Variants in RFX5 observed in about 807,000 individuals in gnomAD.
The protein encoded by RFX5 is regulatory factor X5.
A neutral mutation model predicts 41.2 loss-of-function variants in RFX5; 30 were observed. The ratio of observed to expected loss-of-function variants is 0.73; its 90% CI spans 0.54 to 0.99. The LOEUF (loss-of-function observed/expected upper bound fraction) is 0.99, where lower values mean the gene tolerates loss of function less well. Ranked by LOEUF, RFX5 falls within the 50% of genes least tolerant of loss-of-function variation. The pLI, the probability that RFX5 is intolerant of heterozygous loss-of-function variation, is 0.00. For missense variants in RFX5, 715 were observed against 773.6 expected, an observed-to-expected ratio of 0.92 and a Z score of 0.90; for synonymous variants, 231 against 291.8, an observed-to-expected ratio of 0.79 and a Z score of 2.12.
At chr1:151,343,272 AC>A in intron 10 of RFX5, 69 bp downstream of exon 10, 1 of 1,607,382 alleles carries the variant, frequency 6.2e-7, no homozygotes, top group East Asian at 2.2e-5. Context: ...AAAGCAAGGG[AC>A]CCAATTGGAG....
rs1011365640 is a variant in RFX5, at chr1:151,343,524, G to A, written c.758-82C>T. The stretch of plus-strand genomic sequence containing the variant: ...GGGAGTGAGGCAATTCTGATTGACT[G>A]ACTGGTAGAGACAGGAAATGGGGTG... On this transcript the variant is annotated intron_variant, in intron 9 of 10. Coordinates refer to ENST00000452671, the MANE Select transcript of RFX5 (RefSeq NM_001025603.2). 4.2e-6 allele frequency: 6 copies of A among 1,441,504 alleles called. No individual in the cohort carries two copies. The African/African-American group carries it at 7.0e-5, about 17-fold the overall frequency. 89.3% of individuals were successfully genotyped at this position (1,441,504 alleles called of 1,614,324 possible).
At position 151,342,394 on chromosome 1, in the gene RFX5, G is replaced by A. The variant is rs780332246; in HGVS notation, c.1643C>T (p.Ser548Phe). The A allele has an allele frequency of 6.2e-6, 10 of 1,614,152 alleles. No individual in the cohort carries two copies. Among genetic ancestry groups the A allele is most frequent in the Non-Finnish European group, 8.5e-6 (10 of 1,180,040 alleles). The change falls in exon 11 of 11, where the codon TCC (serine) becomes TTC (phenylalanine). Residue 548 changes from serine (S) to phenylalanine (F), a missense_variant. Transcript: ENST00000452671. ...TVSKGGRGPG[S>F]QHTKEAEDKI... ...ATCTTCTGCTTCTTTGGTATGCTGG[G>A]AACCGGGGCCCCTTCCTCCTTTGGA...
chr1:151,345,798 C>A, intron 4 of RFX5, 130 bp downstream of exon 4: 5 of 1,359,876 alleles, frequency 3.7e-6, no homozygotes, highest in Non-Finnish European at 5.3e-6. Flanking sequence ...GTTTGCAAAG[C>A]CAACTATCTT....
rs201420133 is a variant in RFX5, at chr1:151,343,007, T to C, written c.1030A>G (p.Ile344Val). The C allele has an allele frequency of 3.1e-6, 5 of 1,613,760 alleles. No individual in the cohort carries two copies. The highest frequency in any genetic ancestry group is 4.2e-6 in the Non-Finnish European group (5 of 1,179,830). Residue 344 changes from isoleucine (I) to valine (V), a missense_variant, in exon 11 of 11, where the codon ATC (isoleucine) becomes GTC (valine). Ile to Val is a conservative substitution (Grantham distance 29). Coordinates refer to ENST00000452671, the MANE Select transcript of RFX5 (RefSeq NM_001025603.2). The stretch of plus-strand genomic sequence containing the variant: ...GCCAGAATAGGTGGAGAGACTGGGA[T>C]TGGCGGAATTAGTGAGCGAGGGGCC... ...PRAPRSLIPP[I>V]PVSPPILAPR...
In RFX5 at chr1:151,346,293, T is replaced by C. The variant is rs769129938; in HGVS notation, c.28A>G (p.Ser10Gly). The change falls in exon 3 of 11, where the codon AGC (serine) becomes GGC (glycine). Residue 10 changes from serine to glycine, a missense_variant. By Grantham distance (56) the Ser-to-Gly change is moderately conservative (BLOSUM62 0). Transcript: ENST00000452671. Reference sequence around the variant, plus strand: ...GGGGCCCTTCCCCCAGTCTTGGGGCTCTTAGCATCAGGCTCATCTTCTGCC... The same window carrying C: ...GGGGCCCTTCCCCCAGTCTTGGGGCCCTTAGCATCAGGCTCATCTTCTGCC... MAEDEPDAK[S>G]PKTGGRAPPG... 2 of 1,614,014 alleles carry C rather than the reference T, an allele frequency of 1.2e-6. No individual in the cohort carries two copies. Among genetic ancestry groups the C allele is most frequent in the Non-Finnish European group, 1.7e-6 (2 of 1,179,940 alleles).
intron 4 of RFX5, among the ~76,000 whole-genome samples, 191 bp downstream of exon 4, chr1:151,345,737 G>T (rs1391860694): frequency 6.6e-6 from 1 of 152,100 alleles, no homozygotes; most frequent in Non-Finnish European, 1.5e-5. Flanking sequence ...GGGCTTCTAT[G>T]CAAGTGCTCA....
chr1:151,345,555 T>G, intron 4 of RFX5: 1 of 342,810 alleles, frequency 2.9e-6, no homozygotes, highest in Non-Finnish European at 5.5e-6. Context: ...GAGCTTGCAG[T>G]GAGCCGAGAT....
chr1:151,342,962 C>T lies in RFX5; in HGVS notation c.1075G>A (p.Ala359Thr), dbSNP rs1650614087. Residue 359 changes from alanine to threonine, a missense_variant, in exon 11 of 11, where the codon GCC (alanine) becomes ACC (threonine). Physicochemically the swap from Ala to Thr is moderately conservative, Grantham distance 58. Transcript: ENST00000452671. ...PILAPRLSSG[A>T]LKVATLPLSS... Reference sequence around the variant, plus strand: ...AGAGGCAGTGTAGCCACTTTCAGGGCACCTGAAGAAAGCCTGGGGGCCAGA... The same window carrying T: ...AGAGGCAGTGTAGCCACTTTCAGGGTACCTGAAGAAAGCCTGGGGGCCAGA... 1.9e-6 allele frequency: 3 copies of T among 1,614,062 alleles called. No individual in the cohort carries two copies. Among genetic ancestry groups the T allele is most frequent in the Non-Finnish European group, 2.5e-6 (3 of 1,179,990 alleles).
chr1:151,344,580 G>C (rs1336216611), intron 6 of RFX5, 44 bp from the exon 7 acceptor site: 1 of 1,613,896 alleles, frequency 6.2e-7, no homozygotes, highest in East Asian at 2.2e-5. Context: ...CAGAGAAGGA[G>C]GCCATGGGTA....
rs773270287 is a variant in RFX5, at chr1:151,342,008, C to G, written c.*178G>C. 1 of 824,028 alleles carries G rather than the reference C, an allele frequency of 1.2e-6. No homozygotes were observed. Among genetic ancestry groups the G allele is most frequent in the African/African-American group, 1.7e-5 (1 of 59,092 alleles). 51.0% of individuals were successfully genotyped at this position (824,028 alleles called of 1,614,324 possible). ...TTACACTAAAGCCCAGGGTATCAAG[C>G]TGAAAAGGTCAGAGGCAGCAACCAG... is the stretch of plus-strand genomic sequence containing the variant. On this transcript the variant is annotated 3_prime_UTR_variant, in exon 11 of 11. Coordinates refer to ENST00000452671, the MANE Select transcript of RFX5 (RefSeq NM_001025603.2).
intron 1 of RFX5, 161 bp from the exon 2 acceptor site, chr1:151,346,767 C>G (rs888837339): frequency 5.0e-6 from 1 of 200,186 alleles, no homozygotes. Context: ...TTGCATATGC[C>G]TGGGAGGTCA....
Position 151,343,004 on chromosome 1 carries a change from G to C in RFX5, c.1033C>G (p.Pro345Ala), listed in dbSNP as rs1386497621. 4 of 1,613,908 alleles carry C rather than the reference G, an allele frequency of 2.5e-6. No individual in the cohort carries two copies. Among genetic ancestry groups the C allele is most frequent in the South Asian group, 1.1e-5 (1 of 91,080 alleles). The change falls in exon 11 of 11, where the codon CCA becomes GCA. Residue 345 changes from proline (P) to alanine (A), a missense_variant. By Grantham distance (27) the Pro-to-Ala change is conservative (BLOSUM62 -1). Coordinates refer to ENST00000452671, the MANE Select transcript of RFX5 (RefSeq NM_001025603.2). ...RAPRSLIPPIPVSPPILAPRL... is the reference protein window; with the variant it reads ...RAPRSLIPPIAVSPPILAPRL... ...GGGGCCAGAATAGGTGGAGAGACTGGGATTGGCGGAATTAGTGAGCGAGGG... is the reference window on the plus strand; with the variant it reads ...GGGGCCAGAATAGGTGGAGAGACTGCGATTGGCGGAATTAGTGAGCGAGGG...
rs771641554 is a variant in RFX5 at position 151,346,205 on chromosome 1, G to A, written c.116C>T (p.Ser39Phe). 4 of 1,613,996 alleles carry A rather than the reference G, an allele frequency of 2.5e-6. No homozygotes were observed. The highest frequency in any genetic ancestry group is 1.7e-5 in the Admixed American group (1 of 60,022). The change falls in exon 3 of 11, where the codon TCC (serine) becomes TTC (phenylalanine). Residue 39 changes from serine to phenylalanine, a missense_variant and splice_region_variant. By Grantham distance (155) the Ser-to-Phe change is radical. Coordinates refer to ENST00000452671, the MANE Select transcript of RFX5 (RefSeq NM_001025603.2). ...ACTTGGAGATGTGATGAGTACTTAC[G>A]AAATGGTACCTCGGAGCCTCTGAAG... Reference protein sequence around the residue: ...TLLQRLRGTISKAVQNKVEGI... With the variant: ...TLLQRLRGTIFKAVQNKVEGI...
Position 151,345,103 on chromosome 1 carries a change from T to G in RFX5, c.233+3A>C, listed in dbSNP as rs756183687. ...TGCCATCTAAAACTACTATCAAACC[T>G]ACCTTTTGTCTCCAGTGGTGGGTCC... On this transcript the variant is annotated splice_donor_region_variant and intron_variant, in intron 5 of 10. Coordinates refer to ENST00000452671, the MANE Select transcript of RFX5 (RefSeq NM_001025603.2). 6.2e-7 allele frequency: 1 copy of G among 1,613,338 alleles called. No individual in the cohort carries two copies. Among genetic ancestry groups the G allele is most frequent in the Admixed American group, 1.7e-5 (1 of 60,006 alleles).
Position 151,344,535 on chromosome 1 carries a change from TC to T in RFX5, c.354del (p.Lys119SerfsTer46). 1 of 1,614,162 alleles carries T rather than the reference TC, an allele frequency of 6.2e-7. No homozygotes were observed. Among genetic ancestry groups the T allele is most frequent in the African/African-American group, 1.3e-5 (1 of 75,012 alleles). On this transcript the variant is annotated frameshift_variant and splice_region_variant, in exon 7 of 11. Coordinates refer to ENST00000452671, the MANE Select transcript of RFX5 (RefSeq NM_001025603.2). LOFTEE classifies it high-confidence loss of function. ...CAACAGGCAAGACTCTCACAGTACT[TC>T]CTGAGTGAGAGGGGAGCAGAGTGGG... The part of the protein sequence containing the change: ...LPKQSVYDAY[R>X]KYCESLACCR...
chr1:151,343,172 TAGG>T lies in RFX5; in HGVS notation c.862_864del (p.Pro288del). 1 of 1,611,214 alleles carries T rather than the reference TAGG, an allele frequency of 6.2e-7. No individual in the cohort carries two copies. Among genetic ancestry groups the T allele is most frequent in the South Asian group, 1.1e-5 (1 of 91,000 alleles). On this transcript the variant is annotated inframe_deletion, in exon 11 of 11. Coordinates refer to ENST00000452671, the MANE Select transcript of RFX5 (RefSeq NM_001025603.2). ...GCCCCAGTTCGGGCTTCCAGATCCT[TAGG>T]AGGCTAAAAAGTAAAGAGAGGAACA... is the stretch of plus-strand genomic sequence containing the variant.
Position 151,342,139 on chromosome 1 carries a change from G to C in RFX5, c.*47C>G. The C allele has an allele frequency of 2.5e-6, 4 of 1,613,904 alleles. No individual in the cohort carries two copies. Among genetic ancestry groups the C allele is most frequent in the Non-Finnish European group, 3.4e-6 (4 of 1,179,826 alleles). ...CAAGTGCAAAGAAGGGCCTCTACTA[G>C]GCAAAGTTAACGTAGGGATATAAAC... On this transcript the variant is annotated 3_prime_UTR_variant, in exon 11 of 11. Coordinates refer to ENST00000452671, the MANE Select transcript of RFX5 (RefSeq NM_001025603.2).
In RFX5 at chr1:151,345,645, A is replaced by G. The variant is rs112199559; in HGVS notation, c.150+283T>C. Among the ~76,000 whole-genome samples, 371 of 151,362 alleles carry G rather than the reference A, an allele frequency of 2.5e-3. 2 individuals are homozygous for G. The highest frequency in any genetic ancestry group is 0.011 in the South Asian group (54 of 4,792). ...AAAAAAAAAAGAAAGAAATTATTTG[A>G]TGCTAGGTGCTCTGAGGAGCCCTAT... On this transcript the variant is annotated intron_variant, in intron 4 of 10. Coordinates refer to ENST00000452671, the MANE Select transcript of RFX5 (RefSeq NM_001025603.2).
rs566300649 is a variant in RFX5, at chr1:151,343,048, G to A, written c.989C>T (p.Pro330Leu). 1 of 1,612,724 alleles carries A rather than the reference G, an allele frequency of 6.2e-7. No homozygotes were observed. Among genetic ancestry groups the A allele is most frequent in the South Asian group, 1.1e-5 (1 of 91,086 alleles). Residue 330 changes from proline (P) to leucine (L), a missense_variant, in exon 11 of 11, where the codon CCT becomes CTT. Pro to Leu is a moderately conservative substitution (Grantham distance 98, BLOSUM62 -3). Coordinates refer to ENST00000452671, the MANE Select transcript of RFX5 (RefSeq NM_001025603.2). ...GCGAGGGGCCCGGGGAAGGAGCAGA[G>A]GCAGCCGAGCCACTAGGGCATTAAC... ...LQVNALVARL[P>L]LLLPRAPRSL...
Sources: gnomAD v4.1 joint callset for allele counts (sites outside exome capture counted in the v4.1 genomes callset) on GRCh38, gnomAD v4.1.1 for gene constraint, MANE v1.5 for transcripts, NCBI Gene and HGNC (gene_info 2026-07-23, HGNC 2026-07-21) for gene names.